TTL: variants seen among roughly 807,000 people sequenced by gnomAD.
TTL encodes the protein tubulin tyrosine ligase, also known as tubulin--tyrosine ligase.
In TTL, 10 loss-of-function variants were observed where a neutral mutation model predicts 41.1. That is an observed-to-expected ratio of 0.24 (90% CI 0.15 to 0.41). TTL has a LOEUF of 0.41. Ranked by LOEUF, TTL falls within the 10% of genes least tolerant of loss-of-function variation. The pLI is 1.00. For missense variants in TTL, 367 were observed against 460.4 expected (o/e 0.80, Z 1.86); for synonymous variants, 175 against 175.5 (o/e 1.00, Z 0.02).
At chr2:112,511,170 CT>C (rs1681911071) in intron 5 of TTL, among the ~76,000 whole-genome samples, 1 of 151,956 alleles carries the variant, frequency 6.6e-6, no homozygotes, top group African/African-American at 2.4e-5. Context: ...CCAAACCCAC[CT>C]GATTTTTGTA....
rs2104480701 is a variant in TTL, at chr2:112,528,869, T to C, written c.*74T>C. ...GGGAATGGTGAAATGACTGGATTGC[T>C]CTTTATCCAGCCCACAGCAGGGGAA... On this transcript the variant is annotated 3_prime_UTR_variant, in exon 7 of 7. Transcript: ENST00000233336. The C allele has an allele frequency of 3.3e-6, 4 of 1,213,988 alleles. No individual in the cohort carries two copies. Among genetic ancestry groups the C allele is most frequent in the Non-Finnish European group, 4.9e-6 (4 of 817,438 alleles). 75.2% of individuals were successfully genotyped at this position (1,213,988 alleles called of 1,614,324 possible).
At chr2:112,512,161 G>A (rs924203274) in intron 5 of TTL, among the ~76,000 whole-genome samples, 6 of 151,910 alleles carry the variant, frequency 3.9e-5, no homozygotes, top group African/African-American at 1.5e-4. Flanking sequence ...GCGCGATCAT[G>A]GCTGACTGCA....
Position 112,537,054 on chromosome 2 carries a change from G to C in TTL, c.*8259G>C, listed in dbSNP as rs1284470140. The C allele has an allele frequency of 6.6e-6, 1 of 152,490 alleles. No homozygotes were observed. The highest frequency in any genetic ancestry group is 1.5e-5 in the Non-Finnish European group (1 of 68,278). 9.4% of individuals were successfully genotyped at this position (152,490 alleles called of 1,614,324 possible). ...TTGGATATATACCCAGTAATGGGAG[G>C]CTATGTTGAATGGTAGCTCTGTTTT... is the stretch of plus-strand genomic sequence containing the variant. On this transcript the variant is annotated 3_prime_UTR_variant, in exon 7 of 7. Transcript: ENST00000233336.
chr2:112,494,480 G>A (rs1047069651), intron 3 of TTL, 105 bp downstream of exon 3: 44 of 869,482 alleles, frequency 5.1e-5, no homozygotes, highest in Admixed American at 1.0e-4. Flanking sequence ...GGTTGAGACC[G>A]TGTCTAGTTA....
At chr2:112,512,846 T>G (rs1160858812) in intron 5 of TTL, among the ~76,000 whole-genome samples, 5 of 152,220 alleles carry the variant, frequency 3.3e-5, no homozygotes, top group Non-Finnish European at 7.3e-5. Context: ...GTTTTCGTTT[T>G]TGTTTTTTTG....
intron 3 of TTL, among the ~76,000 whole-genome samples, chr2:112,495,257 A>G (rs181559723): frequency 6.6e-6 from 1 of 152,146 alleles, no homozygotes; most frequent in East Asian, 1.9e-4. Context: ...CTCCGTGTCC[A>G]TTGCTTTCTT....
chr2:112,486,610 T>A (rs968366016), intron 2 of TTL, among the ~76,000 whole-genome samples: 5 of 152,186 alleles, frequency 3.3e-5, no homozygotes, highest in Admixed American at 1.3e-4. Flanking sequence ...TCTGAGCAGT[T>A]GGATTATGGC....
At chr2:112,486,947 C>T (rs547557379) in intron 2 of TTL, among the ~76,000 whole-genome samples, 36 of 152,188 alleles carry the variant, frequency 2.4e-4, no homozygotes, top group East Asian at 1.7e-3. Context: ...GAATTGTGCC[C>T]GTCTTGTTGT....
chr2:112,525,201 G>A (rs1275279030), intron 6 of TTL, among the ~76,000 whole-genome samples: 1 of 152,194 alleles, frequency 6.6e-6, no homozygotes. Flanking sequence ...TAGCCTTGTA[G>A]TATAGTTTGA....
At chr2:112,486,121 C>A in intron 2 of TTL, 126 bp downstream of exon 2, 1 of 918,712 alleles carries the variant, frequency 1.1e-6, no homozygotes, top group Non-Finnish European at 1.6e-6. Flanking sequence ...TCAGAAGCTT[C>A]CTCTAAGCCG....
At chr2:112,494,637 A>G (rs1388304888) in intron 3 of TTL, among the ~76,000 whole-genome samples, 1 of 152,066 alleles carries the variant, frequency 6.6e-6, no homozygotes, top group Non-Finnish European at 1.5e-5. Context: ...AGAACTTTTC[A>G]TTTCCTTCCC....
intron 3 of TTL, among the ~76,000 whole-genome samples, chr2:112,494,587 C>T (rs1381373908): frequency 6.6e-6 from 1 of 152,186 alleles, no homozygotes; most frequent in African/African-American, 2.4e-5. Context: ...GACACCCTCA[C>T]CATCTCTAAA....
In TTL at chr2:112,482,578, C is replaced by G; in HGVS notation, c.157+77C>G. The G allele has an allele frequency of 6.9e-7, 1 of 1,450,972 alleles. No homozygotes were observed. The highest frequency in any genetic ancestry group is 1.4e-5 in the South Asian group (1 of 71,588). The allele number at this position is 1,450,972 out of a possible 1,614,324, so 89.9% of individuals were successfully genotyped here. On this transcript the variant is annotated intron_variant, in intron 1 of 6. Transcript: ENST00000233336. This position sits in a 1 kb window ranked among gnomAD's most constrained non-coding sequence, Gnocchi z 5.3. ...CTCCCGCGGCCCGTTAGAACCGGCGCTTTTGTTTTTAAAGGTCATACATTT... is the reference window on the plus strand; with the variant it reads ...CTCCCGCGGCCCGTTAGAACCGGCGGTTTTGTTTTTAAAGGTCATACATTT...
At chr2:112,502,170 T>G (rs1415534674) in intron 4 of TTL, among the ~76,000 whole-genome samples, 1 of 152,196 alleles carries the variant, frequency 6.6e-6, no homozygotes, top group Non-Finnish European at 1.5e-5. Flanking sequence ...CAACTTACCC[T>G]TGGCCTTGCT....
chr2:112,538,256 C>T lies in TTL; in HGVS notation c.*9461C>T, dbSNP rs1405486491. 1.3e-5 allele frequency: 2 copies of T among 152,158 alleles called. No individual in the cohort carries two copies. Among genetic ancestry groups the T allele is most frequent in the African/African-American group, 4.8e-5 (2 of 41,426 alleles). The allele number at this position is 152,158 out of a possible 1,614,324, so 9.4% of individuals were successfully genotyped here. A position where few individuals can be genotyped will look rare whatever the true frequency, so the allele number is the denominator to read the frequency against. ...AATACTCCTCAATTGAGAAGAGTGT[C>T]CTCAACTTTATGAGGTCACTCTTAA... is the stretch of plus-strand genomic sequence containing the variant. On this transcript the variant is annotated 3_prime_UTR_variant, in exon 7 of 7. Coordinates refer to ENST00000233336, the MANE Select transcript of TTL (RefSeq NM_153712.5).
intron 2 of TTL, among the ~76,000 whole-genome samples, chr2:112,492,830 G>T (rs1369123206): frequency 2.6e-5 from 4 of 152,140 alleles, no homozygotes; most frequent in African/African-American, 9.7e-5. Context: ...GGTAGAGGTT[G>T]CAGTGAGCCA....
chr2:112,488,957 G>A (rs1681312124), intron 2 of TTL, among the ~76,000 whole-genome samples: 1 of 151,804 alleles, frequency 6.6e-6, no homozygotes, highest in Non-Finnish European at 1.5e-5. Flanking sequence ...CATGGTGGCA[G>A]GCGCCTGTAG....
At chr2:112,484,770 C>G (rs1302360026) in intron 1 of TTL, among the ~76,000 whole-genome samples, 1 of 152,116 alleles carries the variant, frequency 6.6e-6, no homozygotes, top group Non-Finnish European at 1.5e-5. Flanking sequence ...GGTCTGTCTG[C>G]TCAGGGAGAC....
At position 112,482,186 on chromosome 2, in the gene TTL, G is replaced by C; in HGVS notation, c.-159G>C. 2 of 234,894 alleles carry C rather than the reference G, an allele frequency of 8.5e-6. No homozygotes were observed. The highest frequency in any genetic ancestry group is 1.6e-4 in the South Asian group (1 of 6,276). 14.6% of individuals were successfully genotyped at this position (234,894 alleles called of 1,614,324 possible). On this transcript the variant is annotated 5_prime_UTR_variant, in exon 1 of 7. Coordinates refer to ENST00000233336, the MANE Select transcript of TTL (RefSeq NM_153712.5). The surrounding 1 kb of genome is among the most constrained non-coding windows in gnomAD (Gnocchi z 5.3). ...CCTCTCCGGCACCCGGCGGGCGCCC[G>C]GGCGCGGCGCCGCCGGCACCCGAGA...
Sources: gnomAD v4.1 joint callset for allele counts (sites outside exome capture counted in the v4.1 genomes callset) on GRCh38, gnomAD v4.1.1 for gene constraint, Gnocchi (gnomAD v3.1) non-coding constraint, MANE v1.5 for transcripts, NCBI Gene and HGNC (gene_info 2026-07-23, HGNC 2026-07-21) for gene names.